Variants in FRMD3 observed in about 807,000 individuals in gnomAD.
The protein encoded by FRMD3 is FERM domain-containing protein 3.
FRMD3 carries 33 observed loss-of-function variants against 70.2 expected under a neutral mutation model. The observed-to-expected ratio is 0.47, with a 90% CI of 0.36 to 0.63. The LOEUF (loss-of-function observed/expected upper bound fraction) is 0.63. FRMD3 is among the 20% of genes least tolerant of loss of function. The pLI, the probability that FRMD3 is intolerant of heterozygous loss-of-function variation, is 0.00. For synonymous variants in FRMD3, 279 were observed against 255.9 expected (o/e 1.09, Z -0.86); for missense variants, 632 against 711.4 (o/e 0.89, Z 1.27).
In FRMD3 at chr9:83,389,605, CT is replaced by C. The variant is rs1189554853; in HGVS notation, c.250del (p.Arg84GlyfsTer14). ...GIRYVDPEKQ[R>X]HWLEPNKSIF... ...CTCCAGATAGAAATCAGCTCTTACC[CT>C]TTGCTTCTCTGGGTCCACATAGCGA... On this transcript the variant is annotated frameshift_variant and splice_region_variant, in exon 2 of 14. Coordinates refer to ENST00000304195, the MANE Select transcript of FRMD3 (RefSeq NM_174938.6). LOFTEE classifies it high-confidence loss of function. The C allele has an allele frequency of 1.2e-6, 2 of 1,607,922 alleles. No individual in the cohort carries two copies. Among genetic ancestry groups the C allele is most frequent in the Non-Finnish European group, 8.5e-7 (1 of 1,174,514 alleles).
chr9:83,568,028 T>C, the FRMD3 span, among the ~76,000 whole-genome samples: 2 of 152,186 alleles, frequency 1.3e-5, no homozygotes, highest in African/African-American at 2.4e-5. Flanking sequence ...TAAAGACATA[T>C]CTGAGACTGA....
At chr9:83,462,686 A>G (rs1828009226) in intron 1 of FRMD3, among the ~76,000 whole-genome samples, 1 of 152,158 alleles carries the variant, frequency 6.6e-6, no homozygotes, top group Non-Finnish European at 1.5e-5. Context: ...TCTTTCTAAG[A>G]GTTTCACCTT....
At chr9:83,351,076 T>C (rs1824138971) in intron 3 of FRMD3, 1 of 633,236 alleles carries the variant, frequency 1.6e-6, no homozygotes, top group East Asian at 1.4e-4. Flanking sequence ...AACAACATCC[T>C]ATTTTACCCA....
At chr9:83,400,354 C>T (rs1825919636) in intron 1 of FRMD3, among the ~76,000 whole-genome samples, 1 of 152,090 alleles carries the variant, frequency 6.6e-6, no homozygotes, top group East Asian at 1.9e-4. Context: ...TGTACAAAAT[C>T]TATATCAGGA....
chr9:83,436,037 C>T (rs561530990), intron 1 of FRMD3, among the ~76,000 whole-genome samples: 13 of 152,212 alleles, frequency 8.5e-5, no homozygotes, highest in South Asian at 2.1e-4. Context: ...GAATCAGAGG[C>T]AGGAAAATCA....
At chr9:83,455,187 C>T (rs1827782995) in intron 1 of FRMD3, among the ~76,000 whole-genome samples, 1 of 152,172 alleles carries the variant, frequency 6.6e-6, no homozygotes, top group African/African-American at 2.4e-5. Context: ...ACCTTGACCC[C>T]ACTGAATTAA....
chr9:83,580,882 T>C, the FRMD3 span, among the ~76,000 whole-genome samples: 1 of 152,140 alleles, frequency 6.6e-6, no homozygotes, highest in African/African-American at 2.4e-5. Context: ...TGTATACAGT[T>C]ATGATTTGTC....
intron 1 of FRMD3, among the ~76,000 whole-genome samples, chr9:83,499,977 G>A (rs1829026322): frequency 6.6e-6 from 1 of 152,102 alleles, no homozygotes; most frequent in Non-Finnish European, 1.5e-5. Context: ...AATGTGTGTT[G>A]CTAAATAAAA....
intron 1 of FRMD3, among the ~76,000 whole-genome samples, chr9:83,414,846 T>G (rs961349067): frequency 6.6e-6 from 1 of 152,252 alleles, no homozygotes; most frequent in East Asian, 1.9e-4. Flanking sequence ...TTTTGATATT[T>G]GTATCTGCCA....
At chr9:83,257,774 A>G (rs1292327763) in intron 13 of FRMD3, among the ~76,000 whole-genome samples, 1 of 152,178 alleles carries the variant, frequency 6.6e-6, no homozygotes, top group Non-Finnish European at 1.5e-5. Context: ...ATATATTCAG[A>G]AAGCTCAGTT....
At chr9:83,489,747 A>C (rs144888150) in intron 1 of FRMD3, among the ~76,000 whole-genome samples, 103 of 152,344 alleles carry the variant, frequency 6.8e-4, no homozygotes, top group African/African-American at 2.5e-3. Context: ...TTTTGAATCA[A>C]ACCTCAAATA....
chr9:83,272,500 G>A (rs768597864), intron 13 of FRMD3, among the ~76,000 whole-genome samples: 3 of 152,176 alleles, frequency 2.0e-5, no homozygotes, highest in African/African-American at 4.8e-5. Context: ...CCAAAGTGCC[G>A]AGATTGCAGC....
At chr9:83,395,275 TAAA>T (rs11322008) in intron 1 of FRMD3, among the ~76,000 whole-genome samples, 14 of 142,336 alleles carry the variant, frequency 9.8e-5, no homozygotes, top group African/African-American at 7.7e-5. Context: ...TCTATAGATT[TAAA>T]AAAAAAAAAA....
the FRMD3 span, among the ~76,000 whole-genome samples, chr9:83,569,339 A>C: frequency 6.6e-6 from 1 of 152,236 alleles, no homozygotes. Context: ...ACATTGGAAG[A>C]GATCCCTCCT....
chr9:83,518,598 C>T (rs570815387), intron 1 of FRMD3, among the ~76,000 whole-genome samples: 1 of 152,244 alleles, frequency 6.6e-6, no homozygotes, highest in East Asian at 1.9e-4. Context: ...CTACTCCCAT[C>T]AAGCTGCCAT....
chr9:83,358,335 TTATAGTA>T (rs1351419641), intron 3 of FRMD3, among the ~76,000 whole-genome samples: 1 of 152,228 alleles, frequency 6.6e-6, no homozygotes, highest in African/African-American at 2.4e-5. Flanking sequence ...GACTATGACC[TTATAGTA>T]TATAGTTTGA....
chr9:83,497,495 T>C (rs1213463773), intron 1 of FRMD3, among the ~76,000 whole-genome samples: 1 of 152,226 alleles, frequency 6.6e-6, no homozygotes, highest in Non-Finnish European at 1.5e-5. Context: ...ATTATTCCAA[T>C]GTATTTAAAT....
At position 83,538,186 on chromosome 9, in the gene FRMD3, T is replaced by C. The variant is rs1829943208; in HGVS notation, c.46A>G (p.Lys16Glu). Reference protein sequence around the residue: ...HCVPRGRRTMKMIHFRSSSVK... With the variant: ...HCVPRGRRTMEMIHFRSSSVK... The stretch of plus-strand genomic sequence containing the variant: ...CTGGAGCTCCGAAAGTGGATCATTT[T>C]CATGGTCCTCCTGCCTCTCGGCACA... Residue 16 changes from lysine to glutamate, a missense_variant, in exon 1 of 14, where the codon AAA becomes GAA. Coordinates refer to ENST00000304195, the MANE Select transcript of FRMD3 (RefSeq NM_174938.6). The surrounding 1 kb of genome is among the most constrained non-coding windows in gnomAD (Gnocchi z 4.7). 3.1e-6 allele frequency: 5 copies of C among 1,605,756 alleles called. No homozygotes were observed. The highest frequency in any genetic ancestry group is 4.3e-6 in the Non-Finnish European group (5 of 1,175,812).
chr9:83,374,648 T>C (rs1825086493), intron 2 of FRMD3, among the ~76,000 whole-genome samples: 2 of 152,200 alleles, frequency 1.3e-5, no homozygotes, highest in South Asian at 2.1e-4. Flanking sequence ...ATCCACCTCT[T>C]AGGGCCATTG....
Sources: allele counts gnomAD v4.1 joint callset (sites outside exome capture counted in the v4.1 genomes callset), GRCh38; gene constraint gnomAD v4.1.1; non-coding constraint Gnocchi (gnomAD v3.1); transcripts MANE v1.5; gene names NCBI Gene and HGNC (gene_info 2026-07-23, HGNC 2026-07-21).